Variants in RAB27B observed in about 807,000 individuals in gnomAD.
The protein encoded by RAB27B is ras-related protein Rab-27B.
RAB27B carries 15 observed loss-of-function variants against 24.6 expected under a neutral mutation model. The ratio of observed to expected loss-of-function variants is 0.61; its 90% CI spans 0.41 to 0.94. The LOEUF (loss-of-function observed/expected upper bound fraction) is 0.94, where lower values mean the gene tolerates loss of function less well. Among genes scored for constraint, RAB27B ranks in the 40% least tolerant of loss-of-function variants. The pLI, the probability that RAB27B is intolerant of heterozygous loss-of-function variation, is 0.00. For synonymous variants in RAB27B, 105 were observed against 92.5 expected (o/e 1.14, Z -0.78); for missense variants, 261 against 266.8 (o/e 0.98, Z 0.15).
intron 2 of RAB27B, among the ~76,000 whole-genome samples, chr18:54,797,313 G>A (rs1056943329): frequency 8.5e-5 from 13 of 152,140 alleles, no homozygotes; most frequent in Admixed American, 1.3e-4. Context: ...CTCACCTGAG[G>A]TTAGGAATTC....
At chr18:54,732,835 A>G (rs1036125168) in intron 2 of RAB27B, among the ~76,000 whole-genome samples, 3 of 152,286 alleles carry the variant, frequency 2.0e-5, no homozygotes, top group African/African-American at 4.8e-5. Flanking sequence ...TTAACAAGCA[A>G]CTTCACCAAA....
intron 1 of RAB27B, among the ~76,000 whole-genome samples, chr18:54,872,841 C>T (rs1218018969): frequency 6.6e-6 from 1 of 152,084 alleles, no homozygotes; most frequent in East Asian, 1.9e-4. Flanking sequence ...TAAATTTATA[C>T]ACTCAACAAA....
rs1913319400 is a variant in RAB27B at position 54,890,329 on chromosome 18, G to A, written c.*916G>A. On this transcript the variant is annotated 3_prime_UTR_variant, in exon 6 of 6. Coordinates refer to ENST00000262094, the MANE Select transcript of RAB27B (RefSeq NM_004163.4). ...CACATTTCATTTTTTCTTAGCACAT[G>A]TTGATAAAATAGTCACAAGGAGAAA... 6.6e-6 allele frequency: 1 copy of A among 152,062 alleles called. No individual in the cohort carries two copies. Among genetic ancestry groups the A allele is most frequent in the African/African-American group, 2.4e-5 (1 of 41,428 alleles). The allele number at this position is 152,062 out of a possible 1,614,324, so 9.4% of individuals were successfully genotyped here.
At chr18:54,747,455 A>G (rs1249688127) in intron 2 of RAB27B, among the ~76,000 whole-genome samples, 1 of 152,224 alleles carries the variant, frequency 6.6e-6, no homozygotes, top group Admixed American at 6.5e-5. Context: ...AAACCTGGGT[A>G]ATACCAATGC....
At chr18:54,843,555 G>A (rs1024914530) in intron 1 of RAB27B, among the ~76,000 whole-genome samples, 7 of 152,270 alleles carry the variant, frequency 4.6e-5, no homozygotes, top group African/African-American at 1.7e-4. Context: ...CAACTAGCAC[G>A]ACATCTGCTG....
rs1913350779 is a variant in RAB27B, at chr18:54,891,101, A to G, written c.*1688A>G. The stretch of plus-strand genomic sequence containing the variant: ...CTGTGCATATTTTTTGTGAAGTTAT[A>G]CACATTGAAGACCCTAAAAATCCCA... On this transcript the variant is annotated 3_prime_UTR_variant, in exon 6 of 6. Coordinates refer to ENST00000262094, the MANE Select transcript of RAB27B (RefSeq NM_004163.4). 1 of 151,832 alleles carries G rather than the reference A, an allele frequency of 6.6e-6. No individual in the cohort carries two copies. Among genetic ancestry groups the G allele is most frequent in the Non-Finnish European group, 1.5e-5 (1 of 67,950 alleles). The allele number at this position is 151,832 out of a possible 1,614,324, so 9.4% of individuals were successfully genotyped here. A position where few individuals can be genotyped will look rare whatever the true frequency, so the allele number is the denominator to read the frequency against.
upstream of RAB27B, among the ~76,000 whole-genome samples, chr18:54,825,787 G>A (rs1051001976): frequency 3.3e-5 from 5 of 152,148 alleles, no homozygotes; most frequent in Non-Finnish European, 7.4e-5. Context: ...TGACAGTGGG[G>A]AAGGGAACTC....
chr18:54,816,252 G>A (rs573994658), intron 2 of RAB27B, among the ~76,000 whole-genome samples: 1 of 152,148 alleles, frequency 6.6e-6, no homozygotes, highest in African/African-American at 2.4e-5. Context: ...CCAAATTGAG[G>A]GTATAAGGCG....
At chr18:54,758,748 A>G (rs1303239660) in intron 2 of RAB27B, among the ~76,000 whole-genome samples, 1 of 152,124 alleles carries the variant, frequency 6.6e-6, no homozygotes, top group Non-Finnish European at 1.5e-5. Flanking sequence ...CCTCCCTGAA[A>G]TGAAGGCATT....
chr18:54,787,058 A>C (rs921563244), intron 2 of RAB27B, among the ~76,000 whole-genome samples: 1 of 152,220 alleles, frequency 6.6e-6, no homozygotes, highest in Non-Finnish European at 1.5e-5. Context: ...GATATTCTGA[A>C]TAGTGAAGCT....
At chr18:54,858,037 C>T (rs1373843902) in intron 1 of RAB27B, among the ~76,000 whole-genome samples, 2 of 152,138 alleles carry the variant, frequency 1.3e-5, no homozygotes, top group Non-Finnish European at 2.9e-5. Context: ...ACATCATAGT[C>T]CCAACCTTTG....
chr18:54,736,471 TA>T (rs11326053), intron 2 of RAB27B, among the ~76,000 whole-genome samples: 6,076 of 147,948 alleles, frequency 0.041, 403 homozygotes, highest in African/African-American at 0.14. Flanking sequence ...CTTCATTTAG[TA>T]AAAAAAAAAG....
chr18:54,769,108 G>A (rs1250777796), intron 2 of RAB27B, among the ~76,000 whole-genome samples: 1 of 152,088 alleles, frequency 6.6e-6, no homozygotes, highest in African/African-American at 2.4e-5. Flanking sequence ...CTGAGACAAG[G>A]CAAGTCTCTT....
intron 5 of RAB27B, among the ~76,000 whole-genome samples, chr18:54,888,851 G>A (rs1913250815): frequency 6.6e-6 from 1 of 152,080 alleles, no homozygotes; most frequent in Non-Finnish European, 1.5e-5. Context: ...TTTTAAAGGA[G>A]ATTTCCAGAT....
intron 2 of RAB27B, among the ~76,000 whole-genome samples, chr18:54,734,801 G>A (rs987181727): frequency 6.6e-5 from 10 of 152,002 alleles, no homozygotes; most frequent in Non-Finnish European, 8.8e-5. Context: ...AGCATCTCTC[G>A]TTTTATAAGA....
intron 2 of RAB27B, among the ~76,000 whole-genome samples, chr18:54,789,560 A>G (rs888017308): frequency 6.6e-6 from 1 of 152,138 alleles, no homozygotes; most frequent in Non-Finnish European, 1.5e-5. Flanking sequence ...TACAGGTTTC[A>G]TATGTCTTAC....
At chr18:54,727,217 G>A (rs1017511583) in intron 2 of RAB27B, among the ~76,000 whole-genome samples, 14 of 152,080 alleles carry the variant, frequency 9.2e-5, no homozygotes, top group South Asian at 4.1e-4. Flanking sequence ...CACGTGATCC[G>A]CCTGCCTCGG....
At chr18:54,864,551 G>T (rs1427286199) in intron 1 of RAB27B, among the ~76,000 whole-genome samples, 1 of 151,706 alleles carries the variant, frequency 6.6e-6, no homozygotes, top group African/African-American at 2.4e-5. Flanking sequence ...GAGTTATGAA[G>T]ACTTACTCTT....
intron 2 of RAB27B, among the ~76,000 whole-genome samples, chr18:54,728,461 T>A (rs1256242035): frequency 6.6e-6 from 1 of 152,050 alleles, no homozygotes; most frequent in Non-Finnish European, 1.5e-5. Context: ...CAAAATTAAA[T>A]CTCTCAGAAA....
Sources: allele counts gnomAD v4.1 joint callset (sites outside exome capture counted in the v4.1 genomes callset), GRCh38; gene constraint gnomAD v4.1.1; transcripts MANE v1.5; gene names NCBI Gene and HGNC (gene_info 2026-07-23, HGNC 2026-07-21).